The following CNTLN variants were observed in gnomAD, a reference collection of about 807,000 sequenced individuals.
The protein encoded by CNTLN is centlein, centrosomal protein.
CNTLN carries 212 observed loss-of-function variants against 180.0 expected under a neutral mutation model. The ratio of observed to expected loss-of-function variants is 1.18; its 90% CI spans 1.05 to 1.32. The LOEUF is 1.32. Among genes scored for constraint, CNTLN ranks in the 40% most tolerant of loss-of-function variants. The pLI is 0.00. For missense variants in CNTLN, 2,095 were observed against 1,610.9 expected, an observed-to-expected ratio of 1.30 and a Z score of -5.14; for synonymous variants, 722 against 563.1, an observed-to-expected ratio of 1.28 and a Z score of -3.99.
At chr9:17,295,323 G>A (rs1587546438) in intron 6 of CNTLN, among the ~76,000 whole-genome samples, 2 of 152,206 alleles carry the variant, frequency 1.3e-5, no homozygotes, top group South Asian at 2.1e-4. Context: ...CGCCAGAGTG[G>A]GCGCCGAGGC....
At chr9:17,164,557 C>T (rs1465947953) in intron 2 of CNTLN, among the ~76,000 whole-genome samples, 1 of 148,590 alleles carries the variant, frequency 6.7e-6, no homozygotes, top group East Asian at 2.0e-4. Flanking sequence ...CTCTGCCTCC[C>T]TGGTTCGGCC....
the CNTLN span, among the ~76,000 whole-genome samples, chr9:17,518,720 T>C: frequency 6.6e-6 from 1 of 152,154 alleles, no homozygotes; most frequent in Non-Finnish European, 1.5e-5. Context: ...GTAAGTACCA[T>C]GTATCACCTT....
chr9:17,508,764 T>G (rs141211754), downstream of CNTLN, among the ~76,000 whole-genome samples: 26 of 152,354 alleles, frequency 1.7e-4, no homozygotes, highest in East Asian at 4.6e-3. Flanking sequence ...TTTTAATTGC[T>G]GAGTAGCATC....
At chr9:17,527,738 C>T in the CNTLN span, among the ~76,000 whole-genome samples, 1 of 152,040 alleles carries the variant, frequency 6.6e-6, no homozygotes, top group Admixed American at 6.6e-5. Flanking sequence ...GGAACCAGGG[C>T]TCTTGGGAGA....
intron 15 of CNTLN, among the ~76,000 whole-genome samples, chr9:17,405,721 C>T (rs1407406223): frequency 6.6e-6 from 1 of 151,700 alleles, no homozygotes; most frequent in Non-Finnish European, 1.5e-5. Context: ...TTGTTACCAC[C>T]TATATTCCAG....
intron 23 of CNTLN, among the ~76,000 whole-genome samples, chr9:17,478,150 T>C (rs1328344270): frequency 2.0e-5 from 3 of 152,222 alleles, no homozygotes; most frequent in African/African-American, 7.2e-5. Context: ...GATATGTACA[T>C]TTCTTAGACA....
chr9:17,397,887 A>G (rs1427867170), intron 15 of CNTLN, among the ~76,000 whole-genome samples: 1 of 152,202 alleles, frequency 6.6e-6, no homozygotes, highest in African/African-American at 2.4e-5. Context: ...AATGCCTTCA[A>G]GAGTCACTCA....
intron 10 of CNTLN, among the ~76,000 whole-genome samples, chr9:17,336,180 A>G (rs1373184366): frequency 6.6e-6 from 1 of 152,098 alleles, no homozygotes; most frequent in Non-Finnish European, 1.5e-5. Context: ...AAGTACTATT[A>G]TTTTGCCTTT....
chr9:17,169,352 A>G (rs1176682258), intron 2 of CNTLN, among the ~76,000 whole-genome samples: 2 of 152,154 alleles, frequency 1.3e-5, no homozygotes, highest in Non-Finnish European at 2.9e-5. Context: ...CCTTGTGAAT[A>G]TTAGGGGTCT....
chr9:17,190,179 G>T (rs1025144404), intron 2 of CNTLN, among the ~76,000 whole-genome samples: 6 of 148,454 alleles, frequency 4.0e-5, no homozygotes, highest in Non-Finnish European at 8.9e-5. Flanking sequence ...GGCAATCATA[G>T]AACTTACTTC....
chr9:17,493,155 G>A (rs1833259840), intron 25 of CNTLN, among the ~76,000 whole-genome samples: 1 of 152,088 alleles, frequency 6.6e-6, no homozygotes. Context: ...TAGAGGTGGT[G>A]ATGGTTACAC....
At chr9:17,507,292 C>G (rs1183995495), downstream of CNTLN, among the ~76,000 whole-genome samples, 1 of 152,118 alleles carries the variant, frequency 6.6e-6, no homozygotes, top group African/African-American at 2.4e-5. Flanking sequence ...ACTTCTAGCT[C>G]CATTTCCACT....
At chr9:17,406,713 G>A (rs1216531738) in intron 15 of CNTLN, among the ~76,000 whole-genome samples, 1 of 151,680 alleles carries the variant, frequency 6.6e-6, no homozygotes, top group Non-Finnish European at 1.5e-5. Flanking sequence ...TGGATAGACT[G>A]TAAAGAATTT....
chr9:17,523,086 G>T, the CNTLN span, among the ~76,000 whole-genome samples: 1 of 152,022 alleles, frequency 6.6e-6, no homozygotes, highest in Non-Finnish European at 1.5e-5. Flanking sequence ...ATGTTGAGAG[G>T]CCCCCAGTTT....
intron 13 of CNTLN, among the ~76,000 whole-genome samples, chr9:17,382,343 G>C (rs1825320382): frequency 6.6e-6 from 1 of 152,100 alleles, no homozygotes; most frequent in African/African-American, 2.4e-5. Flanking sequence ...GATTGTGTTG[G>C]ATACATACCA....
At position 17,218,378 on chromosome 9, in the gene CNTLN, A is replaced by G. The variant is rs1452379388; in HGVS notation, c.450-7825A>G. ...ATATTTGCTTTTACTGTGGAGTAAA[A>G]TGTGTTTGTACAATATTTTTGCAAC... is the stretch of plus-strand genomic sequence containing the variant. On this transcript the variant is annotated intron_variant, in intron 2 of 25. Coordinates refer to ENST00000380647, the MANE Select transcript of CNTLN (RefSeq NM_017738.4). Among the ~76,000 whole-genome samples, 3 of 152,230 alleles carry G rather than the reference A, an allele frequency of 2.0e-5. 1 individual carries two copies. Among genetic ancestry groups the G allele is most frequent in the East Asian group, 1.9e-4 (1 of 5,184 alleles).
chr9:17,468,898 G>A (rs775082761), intron 23 of CNTLN, among the ~76,000 whole-genome samples: 2 of 151,730 alleles, frequency 1.3e-5, no homozygotes, highest in African/African-American at 4.8e-5. Flanking sequence ...TTGAGTAGAT[G>A]TCTTAATAGA....
intron 21 of CNTLN, among the ~76,000 whole-genome samples, chr9:17,465,583 C>T (rs1831700895): frequency 1.4e-5 from 2 of 146,896 alleles, no homozygotes; most frequent in African/African-American, 4.9e-5. Context: ...TTTATTTCAT[C>T]CAAAAAAAGG....
chr9:17,523,429 G>GT, the CNTLN span, among the ~76,000 whole-genome samples: 1 of 151,940 alleles, frequency 6.6e-6, no homozygotes, highest in South Asian at 2.1e-4. Context: ...TAGAGACGGG[G>GT]TTTCATCATG....
Sources: allele counts gnomAD v4.1 joint callset (sites outside exome capture counted in the v4.1 genomes callset), GRCh38; gene constraint gnomAD v4.1.1; transcripts MANE v1.5; gene names NCBI Gene and HGNC (gene_info 2026-07-23, HGNC 2026-07-21).